Variants in KIF27 observed in about 807,000 individuals in gnomAD.
KIF27 encodes the protein kinesin family member 27, also known as kinesin-like protein KIF27.
In KIF27, 84 loss-of-function variants were observed where a neutral mutation model predicts 141.8. The observed-to-expected ratio is 0.59, with a 90% CI of 0.50 to 0.71. KIF27 has a LOEUF of 0.71. Among genes scored for constraint, KIF27 ranks in the 30% least tolerant of loss-of-function variants. The pLI is 0.00. For synonymous variants in KIF27, 471 were observed against 569.5 expected (o/e 0.83, Z 2.46); for missense variants, 1,306 against 1,628.4 (o/e 0.80, Z 3.41).
At chr9:83,839,249 T>G (rs185480609) in intron 17 of KIF27, among the ~76,000 whole-genome samples, 2 of 151,920 alleles carry the variant, frequency 1.3e-5, no homozygotes, top group East Asian at 1.9e-4. Flanking sequence ...AAGGAAAGAG[T>G]CTCATTGTTG....
intron 6 of KIF27, 96 bp from the exon 7 acceptor site, chr9:83,889,349 G>C (rs1952449739): frequency 1.9e-6 from 2 of 1,058,146 alleles, no homozygotes; most frequent in South Asian, 4.2e-5. Context: ...GGGGTTATTA[G>C]ATTGGCACTC....
At chr9:83,878,153 C>T (rs1328981516) in intron 11 of KIF27, among the ~76,000 whole-genome samples, 1 of 104,344 alleles carries the variant, frequency 9.6e-6, no homozygotes, top group Non-Finnish European at 1.8e-5. Flanking sequence ...AACAGAGAGA[C>T]TCTGTCTCAA....
In KIF27 at chr9:83,901,892, G is replaced by A. The variant is rs1300050843; in HGVS notation, c.1458+1168C>T. 3.3e-5 allele frequency among the ~76,000 whole-genome samples: 5 copies of A among 152,156 alleles called. No individual in the cohort carries two copies. In the East Asian group the frequency reaches 5.8e-4, roughly 18 times the overall value. On this transcript the variant is annotated intron_variant, in intron 4 of 17. Coordinates refer to ENST00000297814, the MANE Select transcript of KIF27 (RefSeq NM_017576.4). ...ATCTCAAAAAAAAAAAATTGTTAGA[G>A]AATATTTTTCATTAAAAATGCCCTT... is the stretch of plus-strand genomic sequence containing the variant.
intron 16 of KIF27, among the ~76,000 whole-genome samples, chr9:83,846,391 T>C (rs576406782): frequency 3.3e-5 from 5 of 152,304 alleles, no homozygotes; most frequent in African/African-American, 1.2e-4. Context: ...TCTGACCAAG[T>C]TACTCACTTT....
At position 83,853,733 on chromosome 9, in the gene KIF27, C is replaced by T. The variant is rs1353417932; in HGVS notation, c.3253G>A (p.Ala1085Thr). ...SIQNRQKSLRASFHNLSRGEA... is the reference protein window; with the variant it reads ...SIQNRQKSLRTSFHNLSRGEA... Reference sequence around the variant, plus strand: ...CCACGAGAGAGGTTATGGAATGATGCTCTAAGTGACTTCTGGCGATTCTGG... The same window carrying T: ...CCACGAGAGAGGTTATGGAATGATGTTCTAAGTGACTTCTGGCGATTCTGG... Residue 1085 changes from alanine to threonine, a missense_variant, in exon 15 of 18, where the codon GCA becomes ACA. Physicochemically the swap from Ala to Thr is moderately conservative, Grantham distance 58. Coordinates refer to ENST00000297814, the MANE Select transcript of KIF27 (RefSeq NM_017576.4). The T allele has an allele frequency of 1.2e-6, 2 of 1,613,788 alleles. No homozygotes were observed. The highest frequency in any genetic ancestry group is 4.5e-5 in the East Asian group (2 of 44,858).
intron 8 of KIF27, among the ~76,000 whole-genome samples, chr9:83,888,020 G>A (rs1371018092): frequency 1.9e-5 from 1 of 52,224 alleles, no homozygotes; most frequent in Non-Finnish European, 3.6e-5. Context: ...AGTGGCTCAT[G>A]CCTGTAATCC....
intron 6 of KIF27, 52 bp downstream of exon 6, chr9:83,891,243 T>C (rs769631145): frequency 4.1e-5 from 61 of 1,496,098 alleles, no homozygotes; most frequent in Non-Finnish European, 5.3e-5. Context: ...ATATTACACA[T>C]GGCTAAAATT....
chr9:83,919,932 T>TA (rs925995570), intron 1 of KIF27, among the ~76,000 whole-genome samples: 107 of 149,918 alleles, frequency 7.1e-4, no homozygotes, highest in African/African-American at 2.4e-3. Flanking sequence ...TTCTAAGCAT[T>TA]AAAAAAAATA....
rs78070537 is a variant in KIF27, at chr9:83,920,487, G to A, written c.-88+884C>T. Among the ~76,000 whole-genome samples, 1,217 of 152,278 alleles carry A rather than the reference G, an allele frequency of 8.0e-3. 32 individuals are homozygous for A. Among genetic ancestry groups the A allele is most frequent in the East Asian group, 0.037 (191 of 5,186 alleles). On this transcript the variant is annotated intron_variant, in intron 1 of 17. Transcript: ENST00000297814. ...ATTGAATCCCTCATGTCATGTCACTGGTCAGGAATGAGTGTCTCCAAAAAC... is the reference window on the plus strand; with the variant it reads ...ATTGAATCCCTCATGTCATGTCACTAGTCAGGAATGAGTGTCTCCAAAAAC...
intron 12 of KIF27, chr9:83,868,313 GC>G (rs1203332981): frequency 3.3e-5 from 5 of 152,960 alleles, no homozygotes; most frequent in African/African-American, 1.2e-4. Context: ...TATTGCCTGG[GC>G]CACAGTAGGC....
In KIF27 at chr9:83,853,798, T is replaced by G; in HGVS notation, c.3188A>C (p.Glu1063Ala). The G allele has an allele frequency of 3.1e-6, 5 of 1,613,316 alleles. No individual in the cohort carries two copies. The highest frequency in any genetic ancestry group is 4.2e-6 in the Non-Finnish European group (5 of 1,179,392). Reference protein sequence around the residue: ...HVLFQLEEGIEALEAAIEYRN... With the variant: ...HVLFQLEEGIAALEAAIEYRN... Reference sequence around the variant, plus strand: ...GTATTCAATTGCAGCTTCCAAAGCTTCAATCCCTTCTTCAAGTTGGAAAAG... The same window carrying G: ...GTATTCAATTGCAGCTTCCAAAGCTGCAATCCCTTCTTCAAGTTGGAAAAG... The change falls in exon 15 of 18, where the codon GAA becomes GCA. Residue 1063 changes from glutamate (E) to alanine (A), a missense_variant. By Grantham distance (107) the Glu-to-Ala change is moderately radical. Around this residue, in one of 4 missense-constraint regions of KIF27, gnomAD observed 596 missense variants for 751.6 expected, o/e 0.79. Transcript: ENST00000297814.
At chr9:83,888,165 T>C (rs1952294606) in intron 8 of KIF27, among the ~76,000 whole-genome samples, 1 of 140,968 alleles carries the variant, frequency 7.1e-6, no homozygotes, top group African/African-American at 2.7e-5. Context: ...AGTAGACACC[T>C]AGTACAATTA....
At chr9:83,865,775 G>A (rs1950309020) in intron 13 of KIF27, among the ~76,000 whole-genome samples, 1 of 151,804 alleles carries the variant, frequency 6.6e-6, no homozygotes. Flanking sequence ...TTTGTTTTCT[G>A]TCTTTAATAG....
intron 3 of KIF27, among the ~76,000 whole-genome samples, chr9:83,907,279 G>A (rs1490802491): frequency 6.8e-6 from 1 of 147,898 alleles, no homozygotes; most frequent in African/African-American, 2.5e-5. Flanking sequence ...GACAGAGCAA[G>A]ACTCCATCTC....
intron 13 of KIF27, among the ~76,000 whole-genome samples, chr9:83,863,059 C>T (rs1407877427): frequency 6.6e-6 from 1 of 152,146 alleles, no homozygotes; most frequent in Non-Finnish European, 1.5e-5. Context: ...TGCTTATTAG[C>T]TTAAGGAGAT....
chr9:83,876,533 T>C (rs1303401206), intron 11 of KIF27, among the ~76,000 whole-genome samples: 2 of 152,178 alleles, frequency 1.3e-5, no homozygotes, highest in Middle Eastern at 3.2e-3. Context: ...AAAATTCCAA[T>C]GGCCTTTTTT....
At chr9:83,916,296 T>G (rs1955675484) in intron 1 of KIF27, among the ~76,000 whole-genome samples, 1 of 152,176 alleles carries the variant, frequency 6.6e-6, no homozygotes. Flanking sequence ...GCCTCCCAAG[T>G]GCCAGGATTA....
At chr9:83,857,783 C>T (rs1324339854) in intron 14 of KIF27, among the ~76,000 whole-genome samples, 1 of 152,036 alleles carries the variant, frequency 6.6e-6, no homozygotes, top group Non-Finnish European at 1.5e-5. Context: ...ACTGAGGCTG[C>T]CTTGATGAAT....
intron 16 of KIF27, among the ~76,000 whole-genome samples, chr9:83,845,541 A>G (rs1382338458): frequency 6.6e-6 from 1 of 152,170 alleles, no homozygotes; most frequent in African/African-American, 2.4e-5. Flanking sequence ...ACAGGGGAAG[A>G]GAAGACTAGG....
Sources: gnomAD v4.1 joint callset for allele counts (sites outside exome capture counted in the v4.1 genomes callset) on GRCh38, gnomAD v4.1.1 for gene constraint, gnomAD v4.1.1 regional missense constraint, MANE v1.5 for transcripts, NCBI Gene and HGNC (gene_info 2026-07-23, HGNC 2026-07-21) for gene names.